The following SBNO2 variants were observed in gnomAD, a reference collection of about 807,000 sequenced individuals.
The protein encoded by SBNO2 is strawberry notch homolog 2.
A neutral mutation model predicts 146.3 loss-of-function variants in SBNO2; 89 were observed. The ratio of observed to expected loss-of-function variants is 0.61; its 90% CI spans 0.51 to 0.73. The LOEUF (loss-of-function observed/expected upper bound fraction) is 0.73, where lower values mean the gene tolerates loss of function less well. SBNO2 is among the 30% of genes least tolerant of loss of function. The pLI, the probability that SBNO2 is intolerant of heterozygous loss-of-function variation, is 0.00. For missense variants in SBNO2, 2,092 were observed against 2,003.7 expected, an observed-to-expected ratio of 1.04 and a Z score of -0.84; for synonymous variants, 1,147 against 892.6, an observed-to-expected ratio of 1.29 and a Z score of -5.08.
chr19:1,152,448 C>T (rs759481351), intron 2 of SBNO2, among the ~76,000 whole-genome samples: 22 of 152,112 alleles, frequency 1.4e-4, no homozygotes, highest in Non-Finnish European at 2.1e-4. Context: ...TGGCGGGTTT[C>T]GGGGGATGGA....
At position 1,157,948 on chromosome 19, in the gene SBNO2, TG is replaced by T. The variant is rs2080308043; in HGVS notation, c.-126-3547del. On this transcript the variant is annotated intron_variant, in intron 1 of 31. Transcript: ENST00000361757. This position sits in a 1 kb window ranked among gnomAD's most constrained non-coding sequence, Gnocchi z 6.8. Reference sequence around the variant, plus strand: ...CAGCTCTCTCCTGAGTCCGGATAACTGTCCGCCTCCCAGCTCTCTCCTGAGT... The same window carrying T: ...CAGCTCTCTCCTGAGTCCGGATAACTTCCGCCTCCCAGCTCTCTCCTGAGT... Among the ~76,000 whole-genome samples, 2 of 151,240 alleles carry T rather than the reference TG, an allele frequency of 1.3e-5. No homozygotes were observed. The highest frequency in any genetic ancestry group is 3.9e-4 in the East Asian group (2 of 5,144).
chr19:1,158,386 G>A lies in SBNO2; in HGVS notation c.-126-3984C>T, dbSNP rs1368997537. ...GGAGGCCCCTAGGTGGAGCCTTGAC[G>A]TGACCCCCAGAGCCAGACTCAGCAG... On this transcript the variant is annotated intron_variant, in intron 1 of 31. Transcript: ENST00000361757. This position sits in a 1 kb window ranked among gnomAD's most constrained non-coding sequence, Gnocchi z 9.9. Among the ~76,000 whole-genome samples, 3 of 152,256 alleles carry A rather than the reference G, an allele frequency of 2.0e-5. No homozygotes were observed. Among genetic ancestry groups the A allele is most frequent in the South Asian group, 2.1e-4 (1 of 4,822 alleles).
chr19:1,149,535 C>G, intron 2 of SBNO2, 93 bp from the exon 3 acceptor site: 1 of 1,186,934 alleles, frequency 8.4e-7, no homozygotes, highest in Non-Finnish European at 1.2e-6. Context: ...GGCCGAGAGG[C>G]TAGGGAGGCC....
Position 1,108,676 on chromosome 19 carries a change from G to C in SBNO2, c.3645C>G (p.Arg1215=). 2.6e-6 allele frequency: 4 copies of C among 1,532,548 alleles called. No homozygotes were observed. The highest frequency in any genetic ancestry group is 3.5e-6 in the Non-Finnish European group (4 of 1,147,796). 94.9% of individuals were successfully genotyped at this position (1,532,548 alleles called of 1,614,324 possible). Reference sequence around the variant, plus strand: ...TCAGCCGCAGCTCCTGCAGCACCCGGCGCACGCAGCCCTCGGGGATCTTGA... The same window carrying C: ...TCAGCCGCAGCTCCTGCAGCACCCGCCGCACGCAGCCCTCGGGGATCTTGA... The part of the protein sequence containing the change: ...VGIKIPEGCV[R]RVLQELRLMD... The change falls in exon 32 of 32, where the codon CGC becomes CGG. Residue 1215 remains arginine (R), a synonymous_variant. Coordinates refer to ENST00000361757, the MANE Select transcript of SBNO2 (RefSeq NM_014963.3).
At chr19:1,165,982 CG>C (rs1199955001) in intron 1 of SBNO2, among the ~76,000 whole-genome samples, 7 of 120,342 alleles carry the variant, frequency 5.8e-5, no homozygotes, top group South Asian at 2.9e-4. Context: ...GATCCCAGAC[CG>C]CAAGATCCCA....
In SBNO2 at chr19:1,157,630, G is replaced by A. The variant is rs1054864031; in HGVS notation, c.-126-3228C>T. The stretch of plus-strand genomic sequence containing the variant: ...GAGGGGGCCCGCGCTTTATCAGCAC[G>A]CTGACACCCAGAGGGGATGTGGCTT... On this transcript the variant is annotated intron_variant, in intron 1 of 31. Transcript: ENST00000361757. This position sits in a 1 kb window ranked among gnomAD's most constrained non-coding sequence, Gnocchi z 6.8. 3.3e-5 allele frequency among the ~76,000 whole-genome samples: 5 copies of A among 152,180 alleles called. No individual in the cohort carries two copies. Among genetic ancestry groups the A allele is most frequent in the Admixed American group, 6.5e-5 (1 of 15,286 alleles).
In SBNO2 at chr19:1,138,802, G is replaced by A. The variant is rs145716920; in HGVS notation, c.279+8507C>T. On this transcript the variant is annotated intron_variant, in intron 4 of 31. Coordinates refer to ENST00000361757, the MANE Select transcript of SBNO2 (RefSeq NM_014963.3). ...GGACAGACACAGTGGGGCCCTCCAC[G>A]CCTCCATCACGGACAGACACAGTTG... Among the ~76,000 whole-genome samples, 788 of 145,788 alleles carry A rather than the reference G, an allele frequency of 5.4e-3. 7 individuals carry two copies. Among genetic ancestry groups the A allele is most frequent in the African/African-American group, 0.02 (759 of 38,538 alleles).
chr19:1,110,837 T>C lies in SBNO2; in HGVS notation c.2936A>G (p.Lys979Arg). The change falls in exon 26 of 32, where the codon AAG becomes AGG. Residue 979 changes from lysine (K) to arginine (R), a missense_variant. Physicochemically the swap from Lys to Arg is conservative, Grantham distance 26. Coordinates refer to ENST00000361757, the MANE Select transcript of SBNO2 (RefSeq NM_014963.3). This position sits in a 1 kb window ranked among gnomAD's most constrained non-coding sequence, Gnocchi z 4.9. ...GAAGTACTGGAACAGGGCGTTCTGCTTGTGCACCTCCAGCCCCAGGATGCG... is the reference window on the plus strand; with the variant it reads ...GAAGTACTGGAACAGGGCGTTCTGCCTGTGCACCTCCAGCCCCAGGATGCG... ...LNRILGLEVHKQNALFQYFSD... is the reference protein window; with the variant it reads ...LNRILGLEVHRQNALFQYFSD... 11 of 1,613,672 alleles carry C rather than the reference T, an allele frequency of 6.8e-6. No individual in the cohort carries two copies. The highest frequency in any genetic ancestry group is 9.3e-6 in the Non-Finnish European group (11 of 1,179,720).
intron 1 of SBNO2, among the ~76,000 whole-genome samples, chr19:1,161,049 G>A (rs907048032): frequency 1.4e-5 from 2 of 138,716 alleles, no homozygotes; most frequent in African/African-American, 5.5e-5. Flanking sequence ...CAGCCAGACC[G>A]GGAGCACCGG....
chr19:1,157,757 G>C lies in SBNO2; in HGVS notation c.-126-3355C>G, dbSNP rs545817677. Among the ~76,000 whole-genome samples the C allele has an allele frequency of 6.6e-6, 1 of 152,334 alleles. No homozygotes were observed. The highest frequency in any genetic ancestry group is 2.1e-4 in the South Asian group (1 of 4,828). On this transcript the variant is annotated intron_variant, in intron 1 of 31. Coordinates refer to ENST00000361757, the MANE Select transcript of SBNO2 (RefSeq NM_014963.3). This position sits in a 1 kb window ranked among gnomAD's most constrained non-coding sequence, Gnocchi z 6.8. ...CACTGGGAAGGCAGAACCTCAGACA[G>C]GACCAAGATCCGGGAGAATCCGAGG...
rs1001764119 is a variant in SBNO2, at chr19:1,126,478, G to A, written c.441+1126C>T. Among the ~76,000 whole-genome samples the A allele has an allele frequency of 2.0e-5, 3 of 152,116 alleles. No individual in the cohort carries two copies. Among genetic ancestry groups the A allele is most frequent in the African/African-American group, 7.2e-5 (3 of 41,418 alleles). On this transcript the variant is annotated intron_variant, in intron 5 of 31. Coordinates refer to ENST00000361757, the MANE Select transcript of SBNO2 (RefSeq NM_014963.3). This position sits in a 1 kb window ranked among gnomAD's most constrained non-coding sequence, Gnocchi z 4.4. ...GGAGGGCACGGGCCCCGGGCTGGGT[G>A]AAATGCTCTGCTGGGCCCTTGTGCC...
chr19:1,112,368 G>T lies in SBNO2; in HGVS notation c.2515+34C>A. Reference sequence around the variant, plus strand: ...GGGGCCGAGACCATGTTGGGGGCGGGGCCAGGCAGCGCTGGGGGCGGGGCC... The same window carrying T: ...GGGGCCGAGACCATGTTGGGGGCGGTGCCAGGCAGCGCTGGGGGCGGGGCC... On this transcript the variant is annotated intron_variant, in intron 21 of 31. Transcript: ENST00000361757. This position sits in a 1 kb window ranked among gnomAD's most constrained non-coding sequence, Gnocchi z 5.9. 1 of 1,576,622 alleles carries T rather than the reference G, an allele frequency of 6.3e-7. No homozygotes were observed. The highest frequency in any genetic ancestry group is 2.3e-5 in the East Asian group (1 of 43,482).
At chr19:1,120,789 C>A (rs1306834894) in intron 11 of SBNO2, among the ~76,000 whole-genome samples, 1 of 152,248 alleles carries the variant, frequency 6.6e-6, no homozygotes, top group Admixed American at 6.5e-5. Context: ...CTGCCTCAGC[C>A]TCCTGAGTAG....
At chr19:1,155,586 T>A (rs1042848380) in intron 1 of SBNO2, among the ~76,000 whole-genome samples, 1 of 152,136 alleles carries the variant, frequency 6.6e-6, no homozygotes, top group Non-Finnish European at 1.5e-5. Context: ...TCTTGGCCAA[T>A]CCTTGTCAAA....
rs567651484 is a variant in SBNO2 at position 1,136,451 on chromosome 19, C to G, written c.280-8686G>C. On this transcript the variant is annotated intron_variant, in intron 4 of 31. Coordinates refer to ENST00000361757, the MANE Select transcript of SBNO2 (RefSeq NM_014963.3). The surrounding 1 kb of genome is among the most constrained non-coding windows in gnomAD (Gnocchi z 4.2). ...GCGCACAGCTTCCTGCTGAGTCTCC[C>G]TCTCTAAGGCTGTCTGTGGGCGGCT... 6.6e-6 allele frequency among the ~76,000 whole-genome samples: 1 copy of G among 152,210 alleles called. No individual in the cohort carries two copies. Among genetic ancestry groups the G allele is most frequent in the Non-Finnish European group, 1.5e-5 (1 of 68,024 alleles).
intron 4 of SBNO2, among the ~76,000 whole-genome samples, chr19:1,138,960 C>A (rs1213597232): frequency 6.6e-6 from 1 of 151,654 alleles, no homozygotes; most frequent in East Asian, 1.9e-4. Context: ...ATCACGGACA[C>A]ATGGACAGAC....
rs1412744945 is a variant in SBNO2 at position 1,140,680 on chromosome 19, G to C, written c.279+6629C>G. 6.6e-6 allele frequency among the ~76,000 whole-genome samples: 1 copy of C among 152,210 alleles called. No homozygotes were observed. The highest frequency in any genetic ancestry group is 1.5e-5 in the Non-Finnish European group (1 of 68,032). On this transcript the variant is annotated intron_variant, in intron 4 of 31. Coordinates refer to ENST00000361757, the MANE Select transcript of SBNO2 (RefSeq NM_014963.3). The surrounding 1 kb of genome is among the most constrained non-coding windows in gnomAD (Gnocchi z 4.4). The stretch of plus-strand genomic sequence containing the variant: ...CCCACACAGACCCAGCCGTCAGCAG[G>C]AGAAGGCACACGGAAAACAGACGGA...
intron 4 of SBNO2, among the ~76,000 whole-genome samples, chr19:1,141,169 C>G (rs2080133792): frequency 6.6e-6 from 1 of 152,044 alleles, no homozygotes; most frequent in African/African-American, 2.4e-5. Flanking sequence ...AGCGCAGAGG[C>G]TGCTGACTCC....
chr19:1,129,593 G>A (rs551715678), intron 4 of SBNO2, among the ~76,000 whole-genome samples: 2 of 152,260 alleles, frequency 1.3e-5, no homozygotes, highest in East Asian at 3.9e-4. Context: ...ATCCCACTGA[G>A]GCCCACGAGG....
Sources: allele counts gnomAD v4.1 joint callset (sites outside exome capture counted in the v4.1 genomes callset), GRCh38; gene constraint gnomAD v4.1.1; non-coding constraint Gnocchi (gnomAD v3.1); transcripts MANE v1.5; gene names NCBI Gene and HGNC (gene_info 2026-07-23, HGNC 2026-07-21).